The following PSMC3 variants were observed in gnomAD, a reference collection of about 807,000 sequenced individuals.
The protein encoded by PSMC3 is proteasome 26S subunit, ATPase 3.
In PSMC3, 11 loss-of-function variants were observed where a neutral mutation model predicts 52.0. That is an observed-to-expected ratio of 0.21 (90% confidence interval 0.13 to 0.35). The LOEUF (loss-of-function observed/expected upper bound fraction) is 0.35. Ranked by LOEUF, PSMC3 falls within the 10% of genes least tolerant of loss-of-function variation. The pLI is 1.00. For missense variants in PSMC3, 238 were observed against 567.1 expected (o/e 0.42, Z 5.89); for synonymous variants, 201 against 218.8 (o/e 0.92, Z 0.72).
intron 8 of PSMC3, among the ~76,000 whole-genome samples, chr11:47,421,417 T>C (rs1258455235): frequency 6.6e-6 from 1 of 151,864 alleles, no homozygotes; most frequent in Non-Finnish European, 1.5e-5. Context: ...CCGGGAAGTA[T>C]CCCTGAGGCT....
In PSMC3 at chr11:47,418,936, C is replaced by T. The variant is rs1471140987; in HGVS notation, c.1219G>A (p.Ala407Thr). The change falls in exon 12 of 12, where the codon GCA (alanine) becomes ACA (threonine). Residue 407 changes from alanine (A) to threonine (T), a missense_variant. By Grantham distance (58) the Ala-to-Thr change is moderately conservative. Transcript: ENST00000298852. ...KAVCVEAGMI[A>T]LRRGATELTH... ...AGCTCCGTGGCACCCCTGCGCAGTGCGATCATGCCCTACAGCCGGGACAAA... is the reference window on the plus strand; with the variant it reads ...AGCTCCGTGGCACCCCTGCGCAGTGTGATCATGCCCTACAGCCGGGACAAA... 6.8e-6 allele frequency: 11 copies of T among 1,613,994 alleles called. No individual in the cohort carries two copies. Among genetic ancestry groups the T allele is most frequent in the Admixed American group, 1.7e-5 (1 of 59,984 alleles).
chr11:47,424,883 TG>T lies in PSMC3; in HGVS notation c.286-173del. ...CAGGGATTGATCTCTGTGTAGGTGCTGCTCCTCTGCACAGGGCTCATCTACC... is the reference window on the plus strand; with the variant it reads ...CAGGGATTGATCTCTGTGTAGGTGCTCTCCTCTGCACAGGGCTCATCTACC... On this transcript the variant is annotated intron_variant, in intron 3 of 11. Transcript: ENST00000298852. The surrounding 1 kb of genome is among the most constrained non-coding windows in gnomAD (Gnocchi z 4.8). 6.6e-6 allele frequency among the ~76,000 whole-genome samples: 1 copy of T among 152,308 alleles called. No homozygotes were observed. The highest frequency in any genetic ancestry group is 1.9e-4 in the East Asian group (1 of 5,174).
intron 2 of PSMC3, 180 bp downstream of exon 2, chr11:47,425,687 C>CT: frequency 1.7e-6 from 1 of 590,296 alleles, no homozygotes; most frequent in South Asian, 2.3e-5. Context: ...CCACCACCCC[C>CT]TACCTGTCTT....
chr11:47,425,091 C>A lies in PSMC3; in HGVS notation c.285+30G>T. ...AGGCTGTCCCCATTCCCTGCTGACT[C>A]CCTCTCTTCCCCTCCACATACACAC... On this transcript the variant is annotated intron_variant, in intron 3 of 11. Coordinates refer to ENST00000298852, the MANE Select transcript of PSMC3 (RefSeq NM_002804.5). 4 of 1,613,672 alleles carry A rather than the reference C, an allele frequency of 2.5e-6. No homozygotes were observed. In the South Asian group the frequency reaches 4.4e-5, roughly 18 times the overall value.
rs1352608452 is a variant in PSMC3, at chr11:47,420,731, G to A, written c.885-4C>T. ...CCCAGCCTTCTCACTGTCAAAGCTA[G>A]GGCACAGGAAGCCCGAGATGCTGGT... On this transcript the variant is annotated splice_polypyrimidine_tract_variant and splice_region_variant and intron_variant, in intron 8 of 11. Coordinates refer to ENST00000298852, the MANE Select transcript of PSMC3 (RefSeq NM_002804.5). 1 of 1,555,812 alleles carries A rather than the reference G, an allele frequency of 6.4e-7. No homozygotes were observed. The highest frequency in any genetic ancestry group is 8.7e-7 in the Non-Finnish European group (1 of 1,149,228).
At chr11:47,426,094 C>A (rs774687092) in intron 1 of PSMC3, 111 bp downstream of exon 1, 2 of 1,434,000 alleles carry the variant, frequency 1.4e-6, no homozygotes, top group African/African-American at 2.8e-5. Context: ...CCAAACAACC[C>A]CGTCCCCGGG....
Position 47,425,176 on chromosome 11 carries a change from C to A in PSMC3, c.230G>T (p.Ser77Ile). The A allele has an allele frequency of 6.2e-7, 1 of 1,614,212 alleles. No individual in the cohort carries two copies. The highest frequency in any genetic ancestry group is 1.6e-4 in the Middle Eastern group (1 of 6,062). ...QAMKDKIKEN[S>I]EKIKVNKTLP... Reference sequence around the variant, plus strand: ...GGTCTTGTTCACTTTGATTTTCTCACTGTTCTCTTTTATCTTGTCCTTCAT... The same window carrying A: ...GGTCTTGTTCACTTTGATTTTCTCAATGTTCTCTTTTATCTTGTCCTTCAT... Residue 77 changes from serine (S) to isoleucine (I), a missense_variant, in exon 3 of 12, where the codon AGT (serine) becomes ATT (isoleucine). Ser to Ile is a moderately radical substitution (Grantham distance 142). Around this residue, in one of 6 missense-constraint regions of PSMC3, gnomAD observed 21 missense variants for 95.6 expected, o/e 0.22. Transcript: ENST00000298852.
intron 6 of PSMC3, among the ~76,000 whole-genome samples, 155 bp downstream of exon 6, chr11:47,423,891 T>C (rs1021773497): frequency 6.6e-6 from 1 of 152,008 alleles, no homozygotes; most frequent in Non-Finnish European, 1.5e-5. Context: ...TTAAACTCTC[T>C]GGGCTTCAGT....
rs558068300 is a variant in PSMC3, at chr11:47,422,331, C to T, written c.884+243G>A. Among the ~76,000 whole-genome samples the T allele has an allele frequency of 5.3e-5, 8 of 152,304 alleles. No homozygotes were observed. The highest frequency in any genetic ancestry group is 3.3e-4 in the Admixed American group (5 of 15,290). ...TGCTGGGATTACAGGCGTGAGCCACCGTGCCCGGCCCAGATTCCTGTTTTG... is the reference window on the plus strand; with the variant it reads ...TGCTGGGATTACAGGCGTGAGCCACTGTGCCCGGCCCAGATTCCTGTTTTG... On this transcript the variant is annotated intron_variant, in intron 8 of 11. Transcript: ENST00000298852. The surrounding 1 kb of genome is among the most constrained non-coding windows in gnomAD (Gnocchi z 4.3).
rs202195991 is a variant in PSMC3 at position 47,422,736 on chromosome 11, G to T, written c.736-14C>A. ...TAGGAAGGTGGCCTGGCAGGAAAAGGTGGTAGAGTCAGGTCAAAGGCAGAC... is the reference window on the plus strand; with the variant it reads ...TAGGAAGGTGGCCTGGCAGGAAAAGTTGGTAGAGTCAGGTCAAAGGCAGAC... On this transcript the variant is annotated splice_polypyrimidine_tract_variant and intron_variant, in intron 7 of 11. Coordinates refer to ENST00000298852, the MANE Select transcript of PSMC3 (RefSeq NM_002804.5). The surrounding 1 kb of genome is among the most constrained non-coding windows in gnomAD (Gnocchi z 4.3). 1 of 1,614,118 alleles carries T rather than the reference G, an allele frequency of 6.2e-7. No individual in the cohort carries two copies. The highest frequency in any genetic ancestry group is 2.2e-5 in the East Asian group (1 of 44,878).
Position 47,424,246 on chromosome 11 carries a change from T to A in PSMC3, c.454-63A>T. ...CTCAAGGGCTACCCAACTGACTGGG[T>A]GACAGGTGTCTGCAGAGGGAAAGAC... On this transcript the variant is annotated intron_variant, in intron 5 of 11. Transcript: ENST00000298852. This position sits in a 1 kb window ranked among gnomAD's most constrained non-coding sequence, Gnocchi z 4.8. 6.2e-7 allele frequency: 1 copy of A among 1,609,960 alleles called. No homozygotes were observed. The highest frequency in any genetic ancestry group is 8.5e-7 in the Non-Finnish European group (1 of 1,176,336).
At chr11:47,420,475 A>C in intron 9 of PSMC3, 66 bp from the exon 10 acceptor site, 1 of 1,573,492 alleles carries the variant, frequency 6.4e-7, no homozygotes, top group Non-Finnish European at 8.6e-7. Context: ...ACGGTCAAAA[A>C]AGGCAGAGAG....
chr11:47,420,504 G>GA, intron 9 of PSMC3, 95 bp from the exon 10 acceptor site: 2 of 1,533,944 alleles, frequency 1.3e-6, no homozygotes, highest in South Asian at 2.4e-5. Context: ...CAGAGTGCAG[G>GA]TGAGACACAT....
At chr11:47,421,013 G>GCACT (rs2096039790) in intron 8 of PSMC3, among the ~76,000 whole-genome samples, 1 of 152,148 alleles carries the variant, frequency 6.6e-6, no homozygotes, top group Non-Finnish European at 1.5e-5. Flanking sequence ...GGGAGGCCAA[G>GCACT]GTGGGCCTAT....
chr11:47,425,823 G>A, intron 2 of PSMC3, 44 bp downstream of exon 2: 27 of 1,564,170 alleles, frequency 1.7e-5, no homozygotes, highest in Non-Finnish European at 2.4e-5. Flanking sequence ...GCCGGGGCCT[G>A]TCCTGTGGGG....
At position 47,420,214 on chromosome 11, in the gene PSMC3, T is replaced by A. The variant is rs1216690537; in HGVS notation, c.1127+50A>T. 6 of 1,598,412 alleles carry A rather than the reference T, an allele frequency of 3.8e-6. No individual in the cohort carries two copies. In the East Asian group the frequency reaches 1.3e-4, roughly 36 times the overall value. On this transcript the variant is annotated intron_variant, in intron 10 of 11. Coordinates refer to ENST00000298852, the MANE Select transcript of PSMC3 (RefSeq NM_002804.5). ...AGTACAGAGAAGCATGGCAGAGACATCCTCCTGCGCCTGTTCAGGTCTCTG... is the reference window on the plus strand; with the variant it reads ...AGTACAGAGAAGCATGGCAGAGACAACCTCCTGCGCCTGTTCAGGTCTCTG...
At position 47,424,837 on chromosome 11, in the gene PSMC3, C is replaced by T. The variant is rs1282390981; in HGVS notation, c.286-126G>A. On this transcript the variant is annotated intron_variant, in intron 3 of 11. Transcript: ENST00000298852. The surrounding 1 kb of genome is among the most constrained non-coding windows in gnomAD (Gnocchi z 4.8). ...CTCCAATAGCCCTGAGCCCACCAAA[C>T]GTGGGTGCCCCTGCTAAGCCCAGGG... The T allele has an allele frequency of 9.8e-6, 9 of 915,282 alleles. No individual in the cohort carries two copies. Among genetic ancestry groups the T allele is most frequent in the African/African-American group, 1.6e-5 (1 of 60,812 alleles). 56.7% of individuals were successfully genotyped at this position (915,282 alleles called of 1,614,324 possible). A position where few individuals can be genotyped will look rare whatever the true frequency, so the allele number is the denominator to read the frequency against.
intron 10 of PSMC3, among the ~76,000 whole-genome samples, chr11:47,419,694 C>T (rs1565674716): frequency 6.6e-6 from 1 of 152,054 alleles, no homozygotes; most frequent in Non-Finnish European, 1.5e-5. Flanking sequence ...CTCGTCTCTA[C>T]TAAAAATACA....
At position 47,425,133 on chromosome 11, in the gene PSMC3, G is replaced by A. The variant is rs1298506497; in HGVS notation, c.273C>T (p.Ser91=). The change falls in exon 3 of 12, where the codon TCC becomes TCT. Residue 91 remains serine, a synonymous_variant. Coordinates refer to ENST00000298852, the MANE Select transcript of PSMC3 (RefSeq NM_002804.5). ...KVNKTLPYLV[S]NVIELLDVDP... is the part of the protein sequence containing the mutation. ...CATACACACACACCTCGATGACGTTGGAGACAAGGTACGGCAGGGTCTTGT... is the reference window on the plus strand; with the variant it reads ...CATACACACACACCTCGATGACGTTAGAGACAAGGTACGGCAGGGTCTTGT... 6.2e-7 allele frequency: 1 copy of A among 1,614,120 alleles called. No homozygotes were observed. The highest frequency in any genetic ancestry group is 8.5e-7 in the Non-Finnish European group (1 of 1,180,020).
Sources: allele counts gnomAD v4.1 joint callset (sites outside exome capture counted in the v4.1 genomes callset), GRCh38; gene constraint gnomAD v4.1.1; regional missense constraint gnomAD v4.1.1; non-coding constraint Gnocchi (gnomAD v3.1); transcripts MANE v1.5; gene names NCBI Gene and HGNC (gene_info 2026-07-23, HGNC 2026-07-21).